The following RASA2 variants were observed in gnomAD, a reference collection of about 807,000 sequenced individuals.
The protein encoded by RASA2 is RAS p21 protein activator 2.
RASA2 carries 155 observed loss-of-function variants against 118.2 expected under a neutral mutation model. The observed-to-expected ratio is 1.31, with a 90% CI of 1.15 to 1.50. RASA2 has a LOEUF of 1.50. Among genes scored for constraint, RASA2 ranks in the 40% most tolerant of loss-of-function variants. The pLI is 0.00. For missense variants in RASA2, 1,016 were observed against 1,009.6 expected (o/e 1.01, Z -0.09); for synonymous variants, 353 against 349.1 (o/e 1.01, Z -0.12).
In RASA2 at chr3:141,593,099, G is replaced by A. The variant is rs149347585; in HGVS notation, c.1933+6347G>A. ...TTTCACTCTTGTTGCCCAGGCTGGA[G>A]TGCAGTGGTGCAATCTCAGCTCACT... On this transcript the variant is annotated intron_variant, in intron 19 of 23. Transcript: ENST00000286364. 2.4e-3 allele frequency among the ~76,000 whole-genome samples: 360 copies of A among 152,304 alleles called. 3 individuals are homozygous for A. Among genetic ancestry groups the A allele is most frequent in the African/African-American group, 8.1e-3 (337 of 41,582 alleles).
chr3:141,499,079 G>A (rs750589121), intron 1 of RASA2, among the ~76,000 whole-genome samples: 2 of 152,144 alleles, frequency 1.3e-5, no homozygotes, highest in African/African-American at 2.4e-5. Flanking sequence ...TTGCCTTTTC[G>A]TGTATAGTAG....
chr3:141,572,568 C>T, intron 11 of RASA2, 41 bp from the exon 12 acceptor site: 1 of 1,431,788 alleles, frequency 7.0e-7, no homozygotes, highest in African/African-American at 1.4e-5. Context: ...GGTTTCAAAA[C>T]CTTTGTTTAC....
intron 1 of RASA2, among the ~76,000 whole-genome samples, chr3:141,507,445 A>C (rs2081886172): frequency 6.6e-6 from 1 of 152,238 alleles, no homozygotes; most frequent in South Asian, 2.1e-4. Context: ...CTAGGCCACC[A>C]AGAGAGTTAT....
At chr3:141,577,258 C>G (rs910455282) in intron 15 of RASA2, 152 bp downstream of exon 15, 1 of 583,108 alleles carries the variant, frequency 1.7e-6, no homozygotes, top group African/African-American at 1.9e-5. Flanking sequence ...TTCAGTCTTT[C>G]AAGTGAGGCT....
intron 2 of RASA2, among the ~76,000 whole-genome samples, chr3:141,515,422 A>G (rs534368420): frequency 2.6e-5 from 4 of 152,286 alleles, no homozygotes; most frequent in African/African-American, 9.6e-5. Flanking sequence ...CAGTTACTGT[A>G]TCTTCTATCC....
chr3:141,588,201 G>T (rs535648523), intron 19 of RASA2, among the ~76,000 whole-genome samples: 1 of 152,126 alleles, frequency 6.6e-6, no homozygotes, highest in East Asian at 1.9e-4. Context: ...GGAGGTATGC[G>T]TCTCCTTTTT....
intron 2 of RASA2, among the ~76,000 whole-genome samples, chr3:141,513,052 A>T (rs1472450183): frequency 3.3e-5 from 5 of 150,722 alleles, no homozygotes; most frequent in Non-Finnish European, 5.9e-5. Flanking sequence ...AACAAGAGTG[A>T]AACTCCATCT....
chr3:141,499,231 G>C (rs1354012117), intron 1 of RASA2, among the ~76,000 whole-genome samples: 1 of 152,170 alleles, frequency 6.6e-6, no homozygotes, highest in Non-Finnish European at 1.5e-5. Context: ...CTTTATCACT[G>C]AGGAGTTGCA....
At chr3:141,586,823 G>C in intron 19 of RASA2, 71 bp downstream of exon 19, 2 of 1,189,118 alleles carry the variant, frequency 1.7e-6, no homozygotes, top group Non-Finnish European at 2.5e-6. Context: ...CGCTTATTGT[G>C]ACTCTAGTGA....
At chr3:141,557,611 G>A (rs1301083749) in intron 7 of RASA2, among the ~76,000 whole-genome samples, 1 of 152,154 alleles carries the variant, frequency 6.6e-6, no homozygotes, top group Non-Finnish European at 1.5e-5. Flanking sequence ...TAAGTTATGA[G>A]TAAAACAGTG....
chr3:141,605,550 A>G (rs1038818457), intron 19 of RASA2, among the ~76,000 whole-genome samples: 1 of 152,176 alleles, frequency 6.6e-6, no homozygotes, highest in Non-Finnish European at 1.5e-5. Flanking sequence ...GGGTATGTGC[A>G]TTCTTTGTGT....
At chr3:141,515,539 A>G (rs1044727529) in intron 2 of RASA2, among the ~76,000 whole-genome samples, 5 of 152,152 alleles carry the variant, frequency 3.3e-5, no homozygotes, top group Non-Finnish European at 7.4e-5. Context: ...AGCATTGAGA[A>G]TTATTTTGGG....
At chr3:141,562,950 C>T (rs141547565) in intron 9 of RASA2, among the ~76,000 whole-genome samples, 2,396 of 152,274 alleles carry the variant, frequency 0.016, 67 homozygotes, top group African/African-American at 0.056. Flanking sequence ...GGATTACAGG[C>T]GTGAGCCACC....
At chr3:141,577,463 A>C (rs979379175) in intron 15 of RASA2, among the ~76,000 whole-genome samples, 1 of 152,176 alleles carries the variant, frequency 6.6e-6, no homozygotes, top group Non-Finnish European at 1.5e-5. Context: ...TTATTTAAAC[A>C]AAATCTACTT....
chr3:141,530,935 A>G (rs1328051235), intron 4 of RASA2, among the ~76,000 whole-genome samples: 2 of 152,136 alleles, frequency 1.3e-5, no homozygotes, highest in African/African-American at 2.4e-5. Context: ...CCTAGTTTTT[A>G]TATGTAGTTA....
chr3:141,613,390 A>G lies in RASA2; in HGVS notation c.*1077A>G, dbSNP rs2083681527. ...CATTGCTGTTTCCTTATTGCCTGCT[A>G]GCCAAATGGAATTTGGGCAAGCAAC... On this transcript the variant is annotated 3_prime_UTR_variant, in exon 24 of 24. Transcript: ENST00000286364. The G allele has an allele frequency of 6.6e-6, 1 of 152,330 alleles. No homozygotes were observed. The highest frequency in any genetic ancestry group is 2.1e-4 in the South Asian group (1 of 4,824). 9.4% of individuals were successfully genotyped at this position (152,330 alleles called of 1,614,324 possible). A position where few individuals can be genotyped will look rare whatever the true frequency, so the allele number is the denominator to read the frequency against.
rs192638194 is a variant in RASA2, at chr3:141,494,276, C to A, written c.133+7060C>A. Among the ~76,000 whole-genome samples the A allele has an allele frequency of 8.9e-4, 136 of 152,338 alleles. 1 individual carries two copies. The highest frequency in any genetic ancestry group is 3.2e-3 in the African/African-American group (131 of 41,570). On this transcript the variant is annotated intron_variant, in intron 1 of 23. Transcript: ENST00000286364. The stretch of plus-strand genomic sequence containing the variant: ...AAACTATAGCAATTTAAGCTCTCAC[C>A]AGCAATGTATGACTGCCTATTTCTT...
chr3:141,529,565 T>C (rs2082229584), intron 3 of RASA2, 143 bp from the exon 4 acceptor site: 1 of 480,898 alleles, frequency 2.1e-6, no homozygotes, highest in Admixed American at 3.8e-5. Flanking sequence ...GTAGAAAAAA[T>C]GCTTTATAAA....
chr3:141,608,143 A>G (rs961094986), intron 20 of RASA2, among the ~76,000 whole-genome samples: 1 of 152,164 alleles, frequency 6.6e-6, no homozygotes, highest in Non-Finnish European at 1.5e-5. Flanking sequence ...CCATACACTT[A>G]AGCCAACCAG....
Sources: allele counts gnomAD v4.1 joint callset (sites outside exome capture counted in the v4.1 genomes callset), GRCh38; gene constraint gnomAD v4.1.1; transcripts MANE v1.5; gene names NCBI Gene and HGNC (gene_info 2026-07-23, HGNC 2026-07-21).